Variants in MGAT4C observed in about 807,000 individuals in gnomAD.
MGAT4C encodes alpha-1,3-mannosyl-glycoprotein 4-beta-N-acetylglucosaminyltransferase C.
In MGAT4C, 19 loss-of-function variants were observed where a neutral mutation model predicts 40.1. That is an observed-to-expected ratio of 0.47 (90% CI 0.33 to 0.70). MGAT4C has a LOEUF of 0.70. Among genes scored for constraint, MGAT4C ranks in the 30% least tolerant of loss-of-function variants. MGAT4C has a pLI of 0.02. For synonymous variants in MGAT4C, 181 were observed against 187.1 expected, an observed-to-expected ratio of 0.97 and a Z score of 0.27; for missense variants, 491 against 563.2, an observed-to-expected ratio of 0.87 and a Z score of 1.30.
intron 1 of MGAT4C, among the ~76,000 whole-genome samples, chr12:86,254,599 G>A (rs77433853): frequency 2.9e-3 from 446 of 152,070 alleles, no homozygotes; most frequent in African/African-American, 0.01. Flanking sequence ...TCACTATAGA[G>A]TACTTAGGGA....
At chr12:86,025,034 T>C (rs1344849855) in intron 2 of MGAT4C, among the ~76,000 whole-genome samples, 1 of 151,716 alleles carries the variant, frequency 6.6e-6, no homozygotes, top group Admixed American at 6.6e-5. Context: ...TCTTTTCCTC[T>C]TGGTCACAGA....
chr12:86,807,073 A>G lies in MGAT4C; in HGVS notation c.-262+31593T>C, dbSNP rs1422759410. Among the ~76,000 whole-genome samples, 5 of 152,104 alleles carry G rather than the reference A, an allele frequency of 3.3e-5. No homozygotes were observed. The East Asian group carries it at 9.7e-4, about 30-fold the overall frequency. On this transcript the variant is annotated intron_variant, in intron 1 of 7. Transcript: ENST00000548651. ...AAAAAAAGAAAACGTCTTATATATG[A>G]AACTATATATAAGTTGCTCACCTTT... is the stretch of plus-strand genomic sequence containing the variant.
At chr12:86,785,074 G>A (rs1484593155) in intron 1 of MGAT4C, among the ~76,000 whole-genome samples, 1 of 151,878 alleles carries the variant, frequency 6.6e-6, no homozygotes. Flanking sequence ...CCTTTACATG[G>A]TTTCATCAAA....
In MGAT4C at chr12:86,022,974, A is replaced by C. The variant is rs553240213; in HGVS notation, c.-7+26700T>G. 3.3e-5 allele frequency among the ~76,000 whole-genome samples: 5 copies of C among 152,292 alleles called. No homozygotes were observed. The South Asian group carries it at 1.0e-3, about 32-fold the overall frequency. The stretch of plus-strand genomic sequence containing the variant: ...CCCGAGGGTAAGAGTACAGCAAAAA[A>C]ACAAAGTGACATACAGAGTGTAACA... On this transcript the variant is annotated intron_variant, in intron 2 of 4. Transcript: ENST00000611864.
At chr12:86,661,277 G>A (rs1963973686) in intron 2 of MGAT4C, among the ~76,000 whole-genome samples, 1 of 151,426 alleles carries the variant, frequency 6.6e-6, no homozygotes, top group South Asian at 2.1e-4. Flanking sequence ...AATTTTCAAA[G>A]TAAAATAAAA....
chr12:86,774,281 CTCTTTCTTTCTTTCTT>C lies in MGAT4C; in HGVS notation c.-261-47056_-261-47041del, dbSNP rs6144795. Among the ~76,000 whole-genome samples, 128 of 58,960 alleles carry C rather than the reference CTCTTTCTTTCTTTCTT, an allele frequency of 2.2e-3. 5 individuals carry two copies. Among genetic ancestry groups the C allele is most frequent in the East Asian group, 6.5e-3 (11 of 1,692 alleles). 38.7% of individuals were successfully genotyped at this position (58,960 alleles called of 152,430 possible). Reference sequence around the variant, plus strand: ...CTTAAAAAGTAACTTCTAAGGCTTGCTCTTTCTTTCTTTCTTTCTTTCTTTCTTTCTTTCTTTCTTT... The same window carrying C: ...CTTAAAAAGTAACTTCTAAGGCTTGCTCTTTCTTTCTTTCTTTCTTTCTTT... On this transcript the variant is annotated intron_variant, in intron 1 of 7. Transcript: ENST00000548651.
intron 2 of MGAT4C, among the ~76,000 whole-genome samples, chr12:86,606,226 G>A (rs1331043631): frequency 6.6e-6 from 1 of 151,990 alleles, no homozygotes; most frequent in East Asian, 1.9e-4. Context: ...ATTTGGGTGG[G>A]GATGCAAAGC....
intron 2 of MGAT4C, among the ~76,000 whole-genome samples, chr12:86,033,276 A>G (rs1890924355): frequency 1.3e-5 from 2 of 149,562 alleles, no homozygotes; most frequent in Admixed American, 6.7e-5. Flanking sequence ...GACTTTTCAG[A>G]TAGTTTTCCC....
intron 2 of MGAT4C, among the ~76,000 whole-genome samples, chr12:86,707,940 G>C (rs1987803): frequency 0.78 from 118,084 of 152,148 alleles, 47,215 homozygotes; most frequent in Middle Eastern, 0.88. Context: ...AAAATTTGCA[G>C]CCTGACAATG....
At chr12:86,655,981 T>G (rs1963839463) in intron 2 of MGAT4C, among the ~76,000 whole-genome samples, 1 of 152,072 alleles carries the variant, frequency 6.6e-6, no homozygotes, top group Non-Finnish European at 1.5e-5. Flanking sequence ...TCCATACTGA[T>G]GGGACAGGCA....
At chr12:85,989,360 C>A in intron 3 of MGAT4C, 40 bp downstream of exon 3, 1 of 1,517,858 alleles carries the variant, frequency 6.6e-7, no homozygotes, top group Admixed American at 2.0e-5. Context: ...TTGACTTATG[C>A]CTTATTTTGA....
At chr12:86,435,845 A>C (rs890842786) in intron 2 of MGAT4C, among the ~76,000 whole-genome samples, 1 of 151,800 alleles carries the variant, frequency 6.6e-6, no homozygotes, top group African/African-American at 2.4e-5. Context: ...CACATCCTTA[A>C]ATTTTATGGG....
intron 2 of MGAT4C, among the ~76,000 whole-genome samples, chr12:86,477,721 A>C (rs1002081662): frequency 2.0e-5 from 3 of 151,988 alleles, no homozygotes; most frequent in African/African-American, 7.2e-5. Flanking sequence ...CATTAGGTAT[A>C]TCTCCTAATG....
intron 3 of MGAT4C, among the ~76,000 whole-genome samples, chr12:86,334,476 C>T (rs974746056): frequency 6.6e-6 from 1 of 152,030 alleles, no homozygotes; most frequent in Non-Finnish European, 1.5e-5. Context: ...AGCCATGTAA[C>T]TTAGAGAATA....
At chr12:86,630,821 G>T (rs947211368) in intron 2 of MGAT4C, among the ~76,000 whole-genome samples, 3 of 152,268 alleles carry the variant, frequency 2.0e-5, no homozygotes, top group African/African-American at 4.8e-5. Flanking sequence ...AAAAATGGAA[G>T]CATTCCCTTT....
intron 1 of MGAT4C, among the ~76,000 whole-genome samples, chr12:86,765,156 C>T (rs1951481866): frequency 6.6e-6 from 1 of 152,046 alleles, no homozygotes; most frequent in African/African-American, 2.4e-5. Context: ...ATAACCAATA[C>T]AGAGAAGTGC....
chr12:86,710,133 C>T (rs928600988), intron 2 of MGAT4C, among the ~76,000 whole-genome samples: 2 of 152,228 alleles, frequency 1.3e-5, no homozygotes, highest in South Asian at 4.1e-4. Context: ...AGAAACCTTC[C>T]AACTTCACTA....
chr12:86,525,074 T>C (rs75667867), intron 2 of MGAT4C, among the ~76,000 whole-genome samples: 1,793 of 152,336 alleles, frequency 0.012, 47 homozygotes, highest in African/African-American at 0.041. Flanking sequence ...TTATTTCAAC[T>C]ATAATATGGT....
chr12:86,558,253 C>T (rs968616691), intron 2 of MGAT4C, among the ~76,000 whole-genome samples: 8 of 151,914 alleles, frequency 5.3e-5, no homozygotes, highest in Admixed American at 2.0e-4. Flanking sequence ...AGTTTCAGAG[C>T]GAGGAGATAG....
Sources: gnomAD v4.1 joint callset for allele counts (sites outside exome capture counted in the v4.1 genomes callset) on GRCh38, gnomAD v4.1.1 for gene constraint, MANE v1.5 for transcripts, NCBI Gene and HGNC (gene_info 2026-07-23, HGNC 2026-07-21) for gene names.